The following KLHL3 variants were observed in gnomAD, a reference collection of about 807,000 sequenced individuals.
KLHL3 encodes kelch-like protein 3.
KLHL3 carries 19 observed loss-of-function variants against 70.5 expected under a neutral mutation model. The ratio of observed to expected loss-of-function variants is 0.27; its 90% confidence interval spans 0.19 to 0.40. KLHL3 has a LOEUF of 0.40. Among genes scored for constraint, KLHL3 ranks in the 10% least tolerant of loss-of-function variants. The pLI, the probability that KLHL3 is intolerant of heterozygous loss-of-function variation, is 1.00. For synonymous variants in KLHL3, 258 were observed against 290.3 expected, an observed-to-expected ratio of 0.89 and a Z score of 1.13; for missense variants, 512 against 771.1, an observed-to-expected ratio of 0.66 and a Z score of 3.98.
At chr5:137,651,891 C>T (rs1004890254) in intron 8 of KLHL3, among the ~76,000 whole-genome samples, 2 of 152,058 alleles carry the variant, frequency 1.3e-5, no homozygotes, top group South Asian at 2.1e-4. Flanking sequence ...CAGAAATAGA[C>T]GAACACATAT....
chr5:137,661,666 T>C (rs1353243493), intron 7 of KLHL3: 2 of 378,192 alleles, frequency 5.3e-6, no homozygotes, highest in East Asian at 4.4e-5. Flanking sequence ...AAACTGAGGC[T>C]TGAAGAGGTT....
At chr5:137,626,431 C>T (rs1463186727) in intron 13 of KLHL3, among the ~76,000 whole-genome samples, 1 of 152,210 alleles carries the variant, frequency 6.6e-6, no homozygotes, top group East Asian at 1.9e-4. Context: ...TGCAGAACAG[C>T]TCCTACTCTG....
intron 3 of KLHL3, among the ~76,000 whole-genome samples, chr5:137,703,580 T>TA (rs2149925407): frequency 6.6e-6 from 1 of 152,348 alleles, no homozygotes; most frequent in South Asian, 2.1e-4. Context: ...TCTGTATTCC[T>TA]AAGTGCCACA....
intron 8 of KLHL3, among the ~76,000 whole-genome samples, chr5:137,642,708 T>C (rs572435953): frequency 1.3e-5 from 2 of 152,234 alleles, no homozygotes; most frequent in South Asian, 4.2e-4. Context: ...TTTTCTTTAG[T>C]TAAAATATGT....
intron 14 of KLHL3, among the ~76,000 whole-genome samples, chr5:137,624,346 T>A (rs1239274238): frequency 1.3e-5 from 2 of 152,196 alleles, no homozygotes; most frequent in Non-Finnish European, 2.9e-5. Flanking sequence ...CACCCACACT[T>A]AACTCTTCCC....
chr5:137,715,107 A>G (rs1752869691), intron 2 of KLHL3, among the ~76,000 whole-genome samples: 1 of 152,234 alleles, frequency 6.6e-6, no homozygotes, highest in Non-Finnish European at 1.5e-5. Flanking sequence ...GAGCTCTGCC[A>G]TCCAGAAGCA....
At chr5:137,702,215 C>G (rs1172308467) in intron 3 of KLHL3, among the ~76,000 whole-genome samples, 7 of 151,406 alleles carry the variant, frequency 4.6e-5, no homozygotes, top group African/African-American at 1.7e-4. Context: ...GCCAGGGATT[C>G]CTGCACCCTA....
chr5:137,727,812 T>C (rs559321999), intron 1 of KLHL3, among the ~76,000 whole-genome samples: 3 of 152,290 alleles, frequency 2.0e-5, no homozygotes, highest in Admixed American at 2.0e-4. Flanking sequence ...TACCTCTTAC[T>C]TATCTGTCTG....
At chr5:137,720,769 C>T in intron 1 of KLHL3, 185 bp from the exon 2 acceptor site, 2 of 1,420,482 alleles carry the variant, frequency 1.4e-6, no homozygotes, top group Non-Finnish European at 1.8e-6. Context: ...AAAGTGCATT[C>T]CTCTGAAGGA....
At chr5:137,625,984 G>A in intron 13 of KLHL3, 88 bp from the exon 14 acceptor site, 3 of 1,527,360 alleles carry the variant, frequency 2.0e-6, no homozygotes, top group Admixed American at 1.8e-5. Context: ...GGATAGCCTG[G>A]GAGGCTCTTT....
chr5:137,620,155 C>T lies in KLHL3; in HGVS notation c.*1943G>A, dbSNP rs547260690. 6.6e-6 allele frequency: 1 copy of T among 152,368 alleles called. No individual in the cohort carries two copies. The highest frequency in any genetic ancestry group is 1.9e-4 in the East Asian group (1 of 5,194). The allele number at this position is 152,368 out of a possible 1,614,324, so 9.4% of individuals were successfully genotyped here. A position where few individuals can be genotyped will look rare whatever the true frequency, so the allele number is the denominator to read the frequency against. On this transcript the variant is annotated 3_prime_UTR_variant, in exon 15 of 15. Coordinates refer to ENST00000309755, the MANE Select transcript of KLHL3 (RefSeq NM_017415.3). ...GAGCACTCAACTAAAACATGCCTTG[C>T]TTCCTTTGGAGACATTTCTTCCAGG... is the stretch of plus-strand genomic sequence containing the variant.
In KLHL3 at chr5:137,658,116, T is replaced by C. The variant is rs373246120; in HGVS notation, c.903+15A>G. 1.9e-6 allele frequency: 3 copies of C among 1,603,310 alleles called. No homozygotes were observed. The highest frequency in any genetic ancestry group is 2.5e-6 in the Non-Finnish European group (3 of 1,177,114). On this transcript the variant is annotated intron_variant, in intron 8 of 14. Transcript: ENST00000309755. ...CACAGTCCTGACTCTTGGTGGTGAT[T>C]GGGCTGGGGCTTACCTTGGGAAGGC...
chr5:137,735,337 C>T (rs531445677), intron 1 of KLHL3, among the ~76,000 whole-genome samples: 26 of 152,256 alleles, frequency 1.7e-4, no homozygotes, highest in Non-Finnish European at 3.1e-4. Context: ...CTGATTCAGC[C>T]TGTGCTGAAA....
At chr5:137,637,205 G>T in intron 11 of KLHL3, 89 bp downstream of exon 11, 1 of 1,035,238 alleles carries the variant, frequency 9.7e-7, no homozygotes, top group Non-Finnish European at 1.5e-6. Flanking sequence ...AAAAAAACAC[G>T]GTAGAGGAAG....
intron 2 of KLHL3, among the ~76,000 whole-genome samples, chr5:137,719,213 A>G (rs1401903959): frequency 1.3e-5 from 2 of 152,242 alleles, no homozygotes; most frequent in African/African-American, 4.8e-5. Flanking sequence ...CCTCCATCAT[A>G]ATACCTATTT....
At chr5:137,679,660 A>G (rs1249740557) in intron 5 of KLHL3, among the ~76,000 whole-genome samples, 3 of 152,202 alleles carry the variant, frequency 2.0e-5, no homozygotes, top group African/African-American at 4.8e-5. Context: ...TTAGAGATAA[A>G]TCAAGACAAA....
rs551135324 is a variant in KLHL3 at position 137,695,574 on chromosome 5, C to A, written c.363+2713G>T. 2.6e-5 allele frequency among the ~76,000 whole-genome samples: 4 copies of A among 152,280 alleles called. No homozygotes were observed. The South Asian group carries it at 6.2e-4, about 24-fold the overall frequency. ...TCTGGGTCTCAGGGATAAATTAGGG[C>A]CCCATCCAATGGGGTTCTGGGATCT... is the stretch of plus-strand genomic sequence containing the variant. On this transcript the variant is annotated intron_variant, in intron 4 of 14. Coordinates refer to ENST00000309755, the MANE Select transcript of KLHL3 (RefSeq NM_017415.3).
At chr5:137,681,623 G>T (rs1222250410) in intron 5 of KLHL3, among the ~76,000 whole-genome samples, 1 of 152,166 alleles carries the variant, frequency 6.6e-6, no homozygotes, top group Non-Finnish European at 1.5e-5. Context: ...GGGGAGGGAT[G>T]CATGTGCCGG....
chr5:137,662,240 TACAC>T lies in KLHL3; in HGVS notation c.637-213_637-210del, dbSNP rs138942924. Among the ~76,000 whole-genome samples the T allele has an allele frequency of 0.29, 41,490 of 141,588 alleles. 6,207 individuals are homozygous for T. Among genetic ancestry groups the T allele is most frequent in the African/African-American group, 0.4 (15,353 of 38,244 alleles). 92.9% of individuals were successfully genotyped at this position (141,588 alleles called of 152,430 possible). ...TCAGAGAGTGATCACACACACACTCTACACACACACACACACACACACACACACA... is the reference window on the plus strand; with the variant it reads ...TCAGAGAGTGATCACACACACACTCTACACACACACACACACACACACACA... On this transcript the variant is annotated intron_variant, in intron 6 of 14. Coordinates refer to ENST00000309755, the MANE Select transcript of KLHL3 (RefSeq NM_017415.3).
Sources: allele counts gnomAD v4.1 joint callset (sites outside exome capture counted in the v4.1 genomes callset), GRCh38; gene constraint gnomAD v4.1.1; transcripts MANE v1.5; gene names NCBI Gene and HGNC (gene_info 2026-07-23, HGNC 2026-07-21).